The following MRAS variants were observed in gnomAD, a reference collection of about 807,000 sequenced individuals.
The protein encoded by MRAS is ras-related protein M-Ras.
MRAS carries 4 observed loss-of-function variants against 20.9 expected under a neutral mutation model. The observed-to-expected ratio is 0.19, with a 90% CI of 0.09 to 0.44. MRAS has a LOEUF of 0.44. Among genes scored for constraint, MRAS ranks in the 20% least tolerant of loss-of-function variants. The probability of loss-of-function intolerance (pLI) is 0.99; values close to 1 mark genes in which losing one functional copy is unlikely to be tolerated. For missense variants in MRAS, 154 were observed against 277.5 expected, an observed-to-expected ratio of 0.56 and a Z score of 3.16; for synonymous variants, 98 against 102.9, an observed-to-expected ratio of 0.95 and a Z score of 0.29.
At chr3:138,400,439 C>T (rs2108567383) in intron 4 of MRAS, 95 bp from the exon 5 acceptor site, 1 of 1,135,264 alleles carries the variant, frequency 8.8e-7, no homozygotes, top group Non-Finnish European at 1.3e-6. Flanking sequence ...TTTGAAAGCA[C>T]CTGGGTTCCT....
chr3:138,389,539 C>T (rs1182673418), intron 2 of MRAS, among the ~76,000 whole-genome samples: 1 of 148,758 alleles, frequency 6.7e-6, no homozygotes. Flanking sequence ...GAAGTCACGG[C>T]TTGGGCAAAG....
Position 138,404,058 on chromosome 3 carries a change from G to A in MRAS, c.*1789G>A, listed in dbSNP as rs1308478315. 1 of 152,222 alleles carries A rather than the reference G, an allele frequency of 6.6e-6. No homozygotes were observed. Among genetic ancestry groups the A allele is most frequent in the African/African-American group, 2.4e-5 (1 of 41,454 alleles). 9.4% of individuals were successfully genotyped at this position (152,222 alleles called of 1,614,324 possible). A position where few individuals can be genotyped will look rare whatever the true frequency, so the allele number is the denominator to read the frequency against. On this transcript the variant is annotated 3_prime_UTR_variant, in exon 6 of 6. Coordinates refer to ENST00000423968, the MANE Select transcript of MRAS (RefSeq NM_001085049.3). ...CCCCTTTTTCTGTTCCTAAAAGGAA[G>A]GATAAGAGAGAACATTCCAGGTGAG...
chr3:138,400,698 C>T, intron 5 of MRAS, 85 bp downstream of exon 5: 1 of 1,151,622 alleles, frequency 8.7e-7, no homozygotes, highest in Non-Finnish European at 1.3e-6. Context: ...GAAGCAGCTC[C>T]TGTTCTGAGG....
intron 1 of MRAS, among the ~76,000 whole-genome samples, chr3:138,354,949 T>C (rs1344533298): frequency 6.6e-6 from 1 of 151,998 alleles, no homozygotes; most frequent in Non-Finnish European, 1.5e-5. Context: ...CCCATCTAAT[T>C]TAAAAAAATT....
chr3:138,390,926 T>C (rs149760435), intron 2 of MRAS, among the ~76,000 whole-genome samples: 14 of 152,390 alleles, frequency 9.2e-5, no homozygotes, highest in Admixed American at 9.1e-4. Context: ...AAATTTATTA[T>C]TATCAAACTG....
At position 138,398,495 on chromosome 3, in the gene MRAS, CCAA is replaced by C. The variant is rs1352682962; in HGVS notation, c.378_380del (p.Asn126del). The C allele has an allele frequency of 6.2e-7, 1 of 1,614,008 alleles. No individual in the cohort carries two copies. Among genetic ancestry groups the C allele is most frequent in the Non-Finnish European group, 8.5e-7 (1 of 1,180,012 alleles). ...GAGTCATTCCCGATGATCCTCGTGG[CCAA>C]CAAGGTCGATTTGATGCACTTGAGG... On this transcript the variant is annotated inframe_deletion, in exon 4 of 6. Transcript: ENST00000423968.
At chr3:138,386,753 G>T (rs1251178128) in intron 2 of MRAS, among the ~76,000 whole-genome samples, 1 of 152,194 alleles carries the variant, frequency 6.6e-6, no homozygotes, top group East Asian at 1.9e-4. Context: ...AAAGTGCTGG[G>T]ATTACAGGCG....
chr3:138,350,570 G>C (rs561107919), intron 1 of MRAS: 2 of 152,336 alleles, frequency 1.3e-5, no homozygotes, highest in Admixed American at 1.3e-4. Flanking sequence ...AAGGCCCTTT[G>C]GTGAAGCAAG....
intron 1 of MRAS, among the ~76,000 whole-genome samples, chr3:138,364,564 G>C (rs559528645): frequency 6.6e-6 from 1 of 152,226 alleles, no homozygotes; most frequent in African/African-American, 2.4e-5. Flanking sequence ...AGCTGGGCAG[G>C]GAACAGCTCG....
At position 138,373,064 on chromosome 3, in the gene MRAS, G is replaced by T; in HGVS notation, c.181G>T (p.Ala61Ser). Residue 61 changes from alanine (A) to serine (S), a missense_variant, in exon 2 of 6, where the codon GCC becomes TCC. Coordinates refer to ENST00000423968, the MANE Select transcript of MRAS (RefSeq NM_001085049.3). ...LKHTEIDNQW[A>S]ILDVLDTAGQ... is the part of the protein sequence containing the mutation. Reference sequence around the variant, plus strand: ...ACATACGGAGATTGACAATCAATGGGCCATCTTGGACGGTGAGACCTGGGT... The same window carrying T: ...ACATACGGAGATTGACAATCAATGGTCCATCTTGGACGGTGAGACCTGGGT... The T allele has an allele frequency of 2.0e-6, 3 of 1,493,226 alleles. No individual in the cohort carries two copies. Among genetic ancestry groups the T allele is most frequent in the Non-Finnish European group, 2.7e-6 (3 of 1,121,488 alleles). The allele number at this position is 1,493,226 out of a possible 1,614,324, so 92.5% of individuals were successfully genotyped here. A position where few individuals can be genotyped will look rare whatever the true frequency, so the allele number is the denominator to read the frequency against.
intron 1 of MRAS, among the ~76,000 whole-genome samples, chr3:138,356,558 G>A (rs1345447396): frequency 1.3e-5 from 2 of 152,186 alleles, no homozygotes; most frequent in African/African-American, 4.8e-5. Flanking sequence ...AGGCAAAGCC[G>A]TCTTTCTTGG....
chr3:138,370,527 C>T (rs1025363294), intron 1 of MRAS, among the ~76,000 whole-genome samples: 2 of 152,062 alleles, frequency 1.3e-5, no homozygotes, highest in African/African-American at 4.8e-5. Flanking sequence ...GGCCTGCCTT[C>T]ACCGTCATGG....
intron 2 of MRAS, among the ~76,000 whole-genome samples, chr3:138,396,763 G>A (rs1252518924): frequency 6.6e-6 from 1 of 152,090 alleles, no homozygotes; most frequent in African/African-American, 2.4e-5. Context: ...GGTCTCCTTG[G>A]TATCTGTCCC....
At chr3:138,365,172 T>C (rs2054534225) in intron 1 of MRAS, among the ~76,000 whole-genome samples, 1 of 152,242 alleles carries the variant, frequency 6.6e-6, no homozygotes, top group African/African-American at 2.4e-5. Context: ...ATCTACCTTC[T>C]AGGGTTGTTG....
At chr3:138,356,907 C>T (rs2054346658) in intron 1 of MRAS, among the ~76,000 whole-genome samples, 1 of 152,226 alleles carries the variant, frequency 6.6e-6, no homozygotes, top group African/African-American at 2.4e-5. Context: ...TCCCCCCGTC[C>T]CACCCACCGC....
At position 138,376,282 on chromosome 3, in the gene MRAS, C is replaced by G. The variant is rs1358021350; in HGVS notation, c.193+3206C>G. On this transcript the variant is annotated intron_variant, in intron 2 of 5. Coordinates refer to ENST00000423968, the MANE Select transcript of MRAS (RefSeq NM_001085049.3). ...TGTCACTTTATCTAAGAGGTCTTCC[C>G]TGACCAAACCATTGACACTAGTATC... is the stretch of plus-strand genomic sequence containing the variant. Among the ~76,000 whole-genome samples, 4 of 152,308 alleles carry G rather than the reference C, an allele frequency of 2.6e-5. No homozygotes were observed. The South Asian group carries it at 8.3e-4, about 32-fold the overall frequency.
At position 138,373,021 on chromosome 3, in the gene MRAS, T is replaced by C. The variant is rs1321282194; in HGVS notation, c.138T>C (p.Ile46=). ...TTGTGCCTGACTATGACCCCACCAT[T>C]GAAGACTCCTACCTGAAACATACGG... The part of the protein sequence containing the change: ...KIFVPDYDPT[I]EDSYLKHTEI... Residue 46 remains isoleucine, a synonymous_variant, in exon 2 of 6, where the codon ATT becomes ATC. Coordinates refer to ENST00000423968, the MANE Select transcript of MRAS (RefSeq NM_001085049.3). 6.5e-7 allele frequency: 1 copy of C among 1,550,004 alleles called. No individual in the cohort carries two copies. Among genetic ancestry groups the C allele is most frequent in the Non-Finnish European group, 8.7e-7 (1 of 1,151,212 alleles).
At chr3:138,364,632 G>A (rs2054523468) in intron 1 of MRAS, among the ~76,000 whole-genome samples, 1 of 152,204 alleles carries the variant, frequency 6.6e-6, no homozygotes, top group Non-Finnish European at 1.5e-5. Flanking sequence ...ATAGGGGATA[G>A]GGTCCCAAAC....
In MRAS at chr3:138,378,949, A is replaced by G. The variant is rs139758493; in HGVS notation, c.193+5873A>G. 2.4e-3 allele frequency among the ~76,000 whole-genome samples: 363 copies of G among 152,212 alleles called. 3 individuals carry two copies. The highest frequency in any genetic ancestry group is 8.2e-3 in the African/African-American group (342 of 41,514). ...TTTCTTTTATTGATATCATATTCATACATATTTTGAGGGCATGGTAATGAT... is the reference window on the plus strand; with the variant it reads ...TTTCTTTTATTGATATCATATTCATGCATATTTTGAGGGCATGGTAATGAT... On this transcript the variant is annotated intron_variant, in intron 2 of 5. Coordinates refer to ENST00000423968, the MANE Select transcript of MRAS (RefSeq NM_001085049.3).
Sources: gnomAD v4.1 joint callset for allele counts (sites outside exome capture counted in the v4.1 genomes callset) on GRCh38, gnomAD v4.1.1 for gene constraint, MANE v1.5 for transcripts, NCBI Gene and HGNC (gene_info 2026-07-23, HGNC 2026-07-21) for gene names.